The following COL24A1 variants were observed in gnomAD, a reference collection of about 807,000 sequenced individuals.
COL24A1 encodes collagen alpha-1(XXIV) chain.
A neutral mutation model predicts 253.9 loss-of-function variants in COL24A1; 224 were observed. That is an observed-to-expected ratio of 0.88 (90% CI 0.79 to 0.99). The LOEUF is 0.99. Among genes scored for constraint, COL24A1 ranks in the 50% least tolerant of loss-of-function variants. The pLI is 0.00. For synonymous variants in COL24A1, 685 were observed against 673.7 expected (o/e 1.02, Z -0.26); for missense variants, 2,131 against 2,068.5 (o/e 1.03, Z -0.59).
chr1:85,801,395 A>G (rs913900968), intron 47 of COL24A1, among the ~76,000 whole-genome samples: 5 of 152,232 alleles, frequency 3.3e-5, no homozygotes, highest in Non-Finnish European at 7.3e-5. Flanking sequence ...TAGGATATTG[A>G]AAAGTGAGAG....
intron 46 of COL24A1, 92 bp downstream of exon 46, chr1:85,817,942 T>C (rs1673212809): frequency 7.1e-6 from 7 of 991,532 alleles, no homozygotes; most frequent in Admixed American, 1.8e-5. Flanking sequence ...TTATCCAACA[T>C]GATGACACAA....
intron 14 of COL24A1, among the ~76,000 whole-genome samples, chr1:86,023,598 G>A (rs1697756150): frequency 6.6e-6 from 1 of 151,910 alleles, no homozygotes; most frequent in Non-Finnish European, 1.5e-5. Flanking sequence ...TAATATGTAC[G>A]AGACACTGTT....
At chr1:85,823,791 G>C in intron 43 of COL24A1, 53 bp from the exon 44 acceptor site, 1 of 1,507,354 alleles carries the variant, frequency 6.6e-7, no homozygotes, top group Non-Finnish European at 9.2e-7. Context: ...TGTGACTTAA[G>C]AGAATAGGAT....
At chr1:86,100,021 C>T (rs980708169) in intron 5 of COL24A1, among the ~76,000 whole-genome samples, 2 of 151,992 alleles carry the variant, frequency 1.3e-5, no homozygotes, top group Non-Finnish European at 2.9e-5. Flanking sequence ...GCTATAAAGA[C>T]ACATGCACAC....
intron 32 of COL24A1, among the ~76,000 whole-genome samples, chr1:85,882,327 G>A (rs1043650766): frequency 6.6e-6 from 1 of 152,168 alleles, no homozygotes; most frequent in East Asian, 1.9e-4. Context: ...AGCCGGGCAT[G>A]GTGGCGGGCG....
At chr1:86,058,992 A>G in intron 9 of COL24A1, 129 bp downstream of exon 9, 2 of 578,084 alleles carry the variant, frequency 3.5e-6, no homozygotes, top group Non-Finnish European at 5.7e-6. Flanking sequence ...TTTGATTTTG[A>G]AATTATTTCT....
At chr1:86,043,631 G>A (rs776960343) in intron 12 of COL24A1, among the ~76,000 whole-genome samples, 20 of 152,078 alleles carry the variant, frequency 1.3e-4, no homozygotes, top group Non-Finnish European at 2.4e-4. Flanking sequence ...GGATTCAAGC[G>A]ATTCTCCTGC....
At chr1:85,838,181 AT>A (rs35879143) in intron 43 of COL24A1, among the ~76,000 whole-genome samples, 64,960 of 151,858 alleles carry the variant, frequency 0.43, 14,825 homozygotes, top group African/African-American at 0.53. Flanking sequence ...GAGAGACAAG[AT>A]TTTTTTTCTC....
intron 2 of COL24A1, among the ~76,000 whole-genome samples, chr1:86,129,285 C>A (rs1356562582): frequency 2.6e-5 from 4 of 151,684 alleles, no homozygotes; most frequent in African/African-American, 9.7e-5. Flanking sequence ...CTGTGGCCCT[C>A]TGTCTCATTT....
In COL24A1 at chr1:85,889,730, T is replaced by G. The variant is rs1441933313; in HGVS notation, c.2923-117A>C. 25 of 798,584 alleles carry G rather than the reference T, an allele frequency of 3.1e-5. No individual in the cohort carries two copies. In the South Asian group the frequency reaches 3.2e-4, roughly 10 times the overall value. The allele number at this position is 798,584 out of a possible 1,614,324, so 49.5% of individuals were successfully genotyped here. A position where few individuals can be genotyped will look rare whatever the true frequency, so the allele number is the denominator to read the frequency against. On this transcript the variant is annotated intron_variant, in intron 31 of 59. Coordinates refer to ENST00000370571, the MANE Select transcript of COL24A1 (RefSeq NM_152890.7). ...ACCCAACTTTTCTGTCTATTGCTAT[T>G]CTTTTTTTTTTTTTGCTTTTGTGGT...
intron 23 of COL24A1, 99 bp from the exon 24 acceptor site, chr1:85,961,392 T>C (rs1434231154): frequency 1.1e-5 from 10 of 952,306 alleles, no homozygotes; most frequent in Admixed American, 4.6e-5. Flanking sequence ...TATCTAGTCA[T>C]AACCTAGAAA....
rs1372770570 is a variant in COL24A1, at chr1:86,125,372, C to T, written c.964G>A (p.Val322Ile). Residue 322 changes from valine to isoleucine, a missense_variant, in exon 3 of 60, where the codon GTC becomes ATC. Transcript: ENST00000370571. Reference sequence around the variant, plus strand: ...TGGTTTGTGAGATCCACAGCAGAGACATTTCCTGACTGAAGAGAAGATAAC... The same window carrying T: ...TGGTTTGTGAGATCCACAGCAGAGATATTTCCTGACTGAAGAGAAGATAAC... ...SQLSSLQSGN[V>I]SAVDLTNHGI... 3 of 1,613,664 alleles carry T rather than the reference C, an allele frequency of 1.9e-6. No individual in the cohort carries two copies. The highest frequency in any genetic ancestry group is 8.5e-7 in the Non-Finnish European group (1 of 1,179,810).
intron 24 of COL24A1, among the ~76,000 whole-genome samples, chr1:85,918,946 A>T (rs1037266839): frequency 2.0e-5 from 3 of 152,182 alleles, no homozygotes; most frequent in Non-Finnish European, 2.9e-5. Context: ...TATAATTTGG[A>T]GTGCCCGTCA....
At chr1:85,792,529 A>AC (rs1242770990) in intron 47 of COL24A1, among the ~76,000 whole-genome samples, 2 of 150,274 alleles carry the variant, frequency 1.3e-5, no homozygotes, top group Admixed American at 6.6e-5. Flanking sequence ...TCTCTAAAAA[A>AC]AAAAAAAAAA....
At chr1:85,975,986 A>T (rs1379028636) in intron 20 of COL24A1, among the ~76,000 whole-genome samples, 1 of 152,180 alleles carries the variant, frequency 6.6e-6, no homozygotes, top group Non-Finnish European at 1.5e-5. Context: ...AGCCAAGGGA[A>T]GCCATCCTTG....
intron 55 of COL24A1, among the ~76,000 whole-genome samples, chr1:85,756,168 C>T (rs1167773903): frequency 6.6e-6 from 1 of 151,738 alleles, no homozygotes; most frequent in South Asian, 2.1e-4. Context: ...ACCTGTAATC[C>T]CAGTACTTTG....
intron 5 of COL24A1, among the ~76,000 whole-genome samples, chr1:86,111,395 T>TA (rs1705582982): frequency 6.6e-6 from 1 of 151,898 alleles, no homozygotes; most frequent in East Asian, 1.9e-4. Context: ...GGAGAACTTT[T>TA]ATGTCTAGCT....
In COL24A1 at chr1:86,044,234, A is replaced by C. The variant is rs185739256; in HGVS notation, c.1950+2591T>G. 1.1e-4 allele frequency among the ~76,000 whole-genome samples: 16 copies of C among 152,306 alleles called. No homozygotes were observed. In the East Asian group the frequency reaches 3.1e-3, roughly 29 times the overall value. On this transcript the variant is annotated intron_variant, in intron 12 of 59. Coordinates refer to ENST00000370571, the MANE Select transcript of COL24A1 (RefSeq NM_152890.7). ...ATCCTATGGTGCATAATACCTTTTGAAGATGATTTTATTTATAATAAACAG... is the reference window on the plus strand; with the variant it reads ...ATCCTATGGTGCATAATACCTTTTGCAGATGATTTTATTTATAATAAACAG...
chr1:85,942,947 C>T (rs1444788753), intron 24 of COL24A1, among the ~76,000 whole-genome samples: 1 of 152,086 alleles, frequency 6.6e-6, no homozygotes. Flanking sequence ...CCTGGTAAAG[C>T]ATTACTTTGG....
Sources: allele counts gnomAD v4.1 joint callset (sites outside exome capture counted in the v4.1 genomes callset), GRCh38; gene constraint gnomAD v4.1.1; transcripts MANE v1.5; gene names NCBI Gene and HGNC (gene_info 2026-07-23, HGNC 2026-07-21).